The following ARRDC2 variants were observed in gnomAD, a reference collection of about 807,000 sequenced individuals.
ARRDC2 encodes arrestin domain containing 2, also known as arrestin domain-containing protein 2.
A neutral mutation model predicts 38.9 loss-of-function variants in ARRDC2; 39 were observed. That is an observed-to-expected ratio of 1.00 (90% CI 0.78 to 1.31). The LOEUF is 1.31. Among genes scored for constraint, ARRDC2 ranks in the 50% most tolerant of loss-of-function variants. The pLI, the probability that ARRDC2 is intolerant of heterozygous loss-of-function variation, is 0.00. For missense variants in ARRDC2, 553 were observed against 588.4 expected, an observed-to-expected ratio of 0.94 and a Z score of 0.62; for synonymous variants, 300 against 261.9, an observed-to-expected ratio of 1.15 and a Z score of -1.41.
Position 18,010,493 on chromosome 19 carries a change from C to T in ARRDC2, c.1013-79C>T, listed in dbSNP as rs967976671. 5 of 1,557,062 alleles carry T rather than the reference C, an allele frequency of 3.2e-6. No homozygotes were observed. The African/African-American group carries it at 6.8e-5, about 21-fold the overall frequency. On this transcript the variant is annotated intron_variant, in intron 6 of 7. Transcript: ENST00000222250. ...CAGCCTGGCAGCCCCAGAGCTGGCA[C>T]AAGCCAGCTCCTGGCCCCTGGTCCC...
rs763626910 is a variant in ARRDC2, at chr19:18,008,421, G to A, written c.111G>A (p.Glu37=). Residue 37 remains glutamate (E), a synonymous_variant, in exon 1 of 8, where the codon GAG becomes GAA. Transcript: ENST00000222250. ...CCGTGGCGGGCCGGGTGCTGCTGGAGCTGTCAAGCGCCGCGCGTGTGGGTG... is the reference window on the plus strand; with the variant it reads ...CCGTGGCGGGCCGGGTGCTGCTGGAACTGTCAAGCGCCGCGCGTGTGGGTG... ...GQAVAGRVLL[E]LSSAARVGAL... 1.3e-6 allele frequency: 2 copies of A among 1,591,850 alleles called. No individual in the cohort carries two copies. The highest frequency in any genetic ancestry group is 1.7e-6 in the Non-Finnish European group (2 of 1,176,684).
upstream of ARRDC2, among the ~76,000 whole-genome samples, chr19:18,007,021 ACC>A (rs2033293825): frequency 1.2e-5 from 1 of 86,656 alleles, no homozygotes; most frequent in Non-Finnish European, 2.5e-5. Flanking sequence ...GCTGAGGGTG[ACC>A]GTGTTTGTTT....
At chr19:18,005,227 C>T (rs1004240570), upstream of ARRDC2, among the ~76,000 whole-genome samples, 4 of 151,848 alleles carry the variant, frequency 2.6e-5, no homozygotes, top group Non-Finnish European at 4.4e-5. Flanking sequence ...ATCTGTTTAA[C>T]AAAGCACATC....
At position 18,010,190 on chromosome 19, in the gene ARRDC2, C is replaced by T. The variant is rs369312249; in HGVS notation, c.850-6C>T. The T allele has an allele frequency of 2.5e-6, 4 of 1,612,540 alleles. No homozygotes were observed. In the African/African-American group the frequency reaches 5.3e-5, roughly 22 times the overall value. ...GGGCACCCTCCCTTATGGTTCCTTC[C>T]TCCAGGTCTGTGTGGATATCCCAGG... On this transcript the variant is annotated splice_region_variant and splice_polypyrimidine_tract_variant and intron_variant, in intron 5 of 7. Transcript: ENST00000222250.
chr19:18,001,201 G>A (rs1006842577), exon 1 of ARRDC2: 4 of 1,069,792 alleles, frequency 3.7e-6, no homozygotes, highest in Middle Eastern at 4.0e-4. Flanking sequence ...GGGGGGGCCC[G>A]GAGGAAGCTT....
chr19:18,008,121 A>AAAAAAACCCCCCC, upstream of ARRDC2: 1 of 364,080 alleles, frequency 2.7e-6, no homozygotes, highest in Non-Finnish European at 4.2e-6. Flanking sequence ...CGGTGACCCC[A>AAAAAAACCCCCCC]CCCCCCCCCG....
In ARRDC2 at chr19:18,008,682, C is replaced by T. The variant is rs370933158; in HGVS notation, c.275-29C>T. 1.1e-4 allele frequency: 170 copies of T among 1,611,442 alleles called. No individual in the cohort carries two copies. The African/African-American group carries it at 2.0e-3, about 19-fold the overall frequency. On this transcript the variant is annotated intron_variant, in intron 1 of 7. Coordinates refer to ENST00000222250, the MANE Select transcript of ARRDC2 (RefSeq NM_015683.2). Reference sequence around the variant, plus strand: ...GCCCTGGGACCCCAGCGCAACCGCTCAGTCGCCTCCTTTTTCTCCTACCTG... The same window carrying T: ...GCCCTGGGACCCCAGCGCAACCGCTTAGTCGCCTCCTTTTTCTCCTACCTG...
At chr19:18,001,403 G>A in exon 1 of ARRDC2, 2 of 1,220,710 alleles carry the variant, frequency 1.6e-6, no homozygotes, top group Non-Finnish European at 2.0e-6. Flanking sequence ...CTGTGCGGCC[G>A]GGTGCTGCTG....
upstream of ARRDC2, among the ~76,000 whole-genome samples, chr19:18,003,342 C>A (rs1480305752): frequency 1.3e-5 from 2 of 152,124 alleles, no homozygotes; most frequent in Non-Finnish European, 2.9e-5. Context: ...TCTCGGCTCA[C>A]TGCAACCTCT....
chr19:18,009,247 G>A (rs78702909), intron 3 of ARRDC2, 129 bp downstream of exon 3: 35,110 of 1,115,878 alleles, frequency 0.031, 737 homozygotes, highest in East Asian at 0.1. Flanking sequence ...GCAGGTGTGG[G>A]AATGCGTGTG....
At chr19:18,012,148 G>A (rs2033427758) in intron 7 of ARRDC2, among the ~76,000 whole-genome samples, 1 of 150,268 alleles carries the variant, frequency 6.7e-6, no homozygotes, top group Admixed American at 6.6e-5. Context: ...TAGTAGAGAC[G>A]GGGTTTTGCC....
rs1421631976 is a variant in ARRDC2 at position 18,009,862 on chromosome 19, A to T, written c.672A>T (p.Thr224=). The change falls in exon 5 of 8, where the codon ACA becomes ACT. Residue 224 remains threonine (T), a synonymous_variant. Coordinates refer to ENST00000222250, the MANE Select transcript of ARRDC2 (RefSeq NM_015683.2). ...PVLPRAAVVQ[T]QTFMARGARK... ...TGCCTCGGGCAGCCGTGGTGCAGAC[A>T]CAGACGTTCATGGCCCGAGGCGCCC... 3 of 1,612,110 alleles carry T rather than the reference A, an allele frequency of 1.9e-6. No individual in the cohort carries two copies. Among genetic ancestry groups the T allele is most frequent in the Non-Finnish European group, 2.5e-6 (3 of 1,179,816 alleles).
intron 1 of ARRDC2, 21 bp from the exon 2 acceptor site, chr19:18,008,687 GCCT>G (rs768101770): frequency 6.2e-6 from 10 of 1,611,674 alleles, no homozygotes; most frequent in Non-Finnish European, 8.5e-6. Context: ...CCGCTCAGTC[GCCT>G]CCTTTTTCTC....
chr19:18,005,769 AC>A (rs936052145), upstream of ARRDC2, among the ~76,000 whole-genome samples: 1 of 137,896 alleles, frequency 7.3e-6, no homozygotes, highest in African/African-American at 2.8e-5. Context: ...GCGGGGGCTG[AC>A]CCCCCACCTC....
At chr19:18,011,227 AC>A (rs2033405702) in intron 7 of ARRDC2, among the ~76,000 whole-genome samples, 1 of 151,898 alleles carries the variant, frequency 6.6e-6, no homozygotes, top group Non-Finnish European at 1.5e-5. Context: ...TGAACTCCTG[AC>A]CTCAGGTGAT....
At chr19:18,011,952 A>ATTTTT (rs71164342) in intron 7 of ARRDC2, among the ~76,000 whole-genome samples, 10 of 100,750 alleles carry the variant, frequency 9.9e-5, no homozygotes, top group African/African-American at 2.6e-4. Context: ...ATATATATAT[A>ATTTTT]TTTTTTTTTT....
In ARRDC2 at chr19:18,013,317, CAGA is replaced by C. The variant is rs1316822449; in HGVS notation, c.*358_*360del. 2.2e-5 allele frequency: 5 copies of C among 229,198 alleles called. No homozygotes were observed. Among genetic ancestry groups the C allele is most frequent in the Admixed American group, 1.7e-4 (3 of 17,630 alleles). The allele number at this position is 229,198 out of a possible 1,614,324, so 14.2% of individuals were successfully genotyped here. ...ATAGACAGTTCCAGCATCACAGAAC[CAGA>C]AGAAGAGACCTGCAACTGTGAGAGT... On this transcript the variant is annotated 3_prime_UTR_variant, in exon 8 of 8. Transcript: ENST00000222250.
chr19:18,010,443 C>A (rs765115589), intron 6 of ARRDC2, 85 bp downstream of exon 6: 57 of 1,560,634 alleles, frequency 3.7e-5, no homozygotes, highest in Non-Finnish European at 4.9e-5. Context: ...CCACGAGTCC[C>A]CCGGAATCCC....
upstream of ARRDC2, chr19:18,007,290 T>G (rs1294510390): frequency 6.6e-6 from 1 of 152,192 alleles, no homozygotes; most frequent in African/African-American, 2.4e-5. Context: ...GACCTGGGGG[T>G]GCCCGAGCGT....
Sources: gnomAD v4.1 joint callset for allele counts (sites outside exome capture counted in the v4.1 genomes callset) on GRCh38, gnomAD v4.1.1 for gene constraint, MANE v1.5 for transcripts, NCBI Gene and HGNC (gene_info 2026-07-23, HGNC 2026-07-21) for gene names.